SOX6: variants seen among roughly 807,000 people sequenced by gnomAD.
SOX6 encodes the protein transcription factor SOX-6.
A neutral mutation model predicts 97.8 loss-of-function variants in SOX6; 11 were observed. The observed-to-expected ratio is 0.11, with a 90% CI of 0.07 to 0.19. SOX6 has a LOEUF of 0.19. Ranked by LOEUF, SOX6 falls within the 10% of genes least tolerant of loss-of-function variation. The pLI is 1.00. For missense variants in SOX6, 810 were observed against 1,039.5 expected (o/e 0.78, Z 3.04); for synonymous variants, 360 against 371.4 (o/e 0.97, Z 0.35).
At chr11:16,320,050 T>C (rs1038505544) in intron 2 of SOX6, among the ~76,000 whole-genome samples, 9 of 152,152 alleles carry the variant, frequency 5.9e-5, no homozygotes, top group Admixed American at 1.3e-4. Flanking sequence ...TAAAAGTTCA[T>C]AGAAATAAAA....
intron 1 of SOX6, among the ~76,000 whole-genome samples, chr11:16,344,357 C>A (rs1350823333): frequency 6.6e-6 from 1 of 151,828 alleles, no homozygotes; most frequent in Non-Finnish European, 1.5e-5. Flanking sequence ...ATTATTAGAT[C>A]TGATTCACTG....
At chr11:16,326,934 T>C (rs2134316980) in intron 2 of SOX6, among the ~76,000 whole-genome samples, 1 of 152,336 alleles carries the variant, frequency 6.6e-6, no homozygotes, top group Admixed American at 6.5e-5. Flanking sequence ...CTAGGGTTTC[T>C]TGGACATCTT....
At chr11:16,245,177 T>A (rs1210188714) in intron 3 of SOX6, among the ~76,000 whole-genome samples, 5 of 151,790 alleles carry the variant, frequency 3.3e-5, no homozygotes, top group Admixed American at 3.3e-4. Flanking sequence ...TTTTCCTTGT[T>A]CTTTCTTCTT....
intron 4 of SOX6, among the ~76,000 whole-genome samples, chr11:16,227,527 G>A (rs749261729): frequency 3.3e-5 from 5 of 151,638 alleles, no homozygotes; most frequent in African/African-American, 9.7e-5. Flanking sequence ...GGGGTCAAGC[G>A]ATCTTCCTGC....
At chr11:16,405,780 A>C (rs999049243) in intron 1 of SOX6, among the ~76,000 whole-genome samples, 2 of 152,036 alleles carry the variant, frequency 1.3e-5, no homozygotes, top group Non-Finnish European at 2.9e-5. Context: ...AAATGGAGTT[A>C]AGGTTTGAAA....
chr11:16,079,533 A>C (rs1476807977), intron 9 of SOX6, among the ~76,000 whole-genome samples: 1 of 152,178 alleles, frequency 6.6e-6, no homozygotes, highest in Non-Finnish European at 1.5e-5. Flanking sequence ...AAAAATAATA[A>C]TACATAGATT....
At chr11:16,600,829 C>T (rs1848259869) in intron 4 of SOX6, among the ~76,000 whole-genome samples, 1 of 152,050 alleles carries the variant, frequency 6.6e-6, no homozygotes, top group South Asian at 2.1e-4. Context: ...CAACGCTCAC[C>T]AAAACAATGA....
chr11:16,070,111 C>T (rs1328910092), intron 9 of SOX6, among the ~76,000 whole-genome samples: 21 of 152,138 alleles, frequency 1.4e-4, no homozygotes, highest in Admixed American at 4.6e-4. Flanking sequence ...GCCGAGATTG[C>T]GCCACTGCAC....
chr11:16,055,827 T>C lies in SOX6; in HGVS notation c.1176A>G (p.Pro392=). Residue 392 remains proline (P), a synonymous_variant, in exon 10 of 16, where the codon CCA becomes CCG. Transcript: ENST00000683767. Reference sequence around the variant, plus strand: ...TAGGTGAGACCGTCCCTGCTGTGTTTGGTGGCTGTGGAGTTGATGGCATCT... The same window carrying C: ...TAGGTGAGACCGTCCCTGCTGTGTTCGGTGGCTGTGGAGTTGATGGCATCT... ...GAKMPSTPQP[P]NTAGTVSPTG... is the part of the protein sequence containing the mutation. The C allele has an allele frequency of 6.2e-7, 1 of 1,613,846 alleles. No homozygotes were observed. Among genetic ancestry groups the C allele is most frequent in the Non-Finnish European group, 8.5e-7 (1 of 1,179,852 alleles).
intron 7 of SOX6, 97 bp from the exon 8 acceptor site, chr11:16,097,785 CA>C: frequency 8.8e-7 from 1 of 1,138,066 alleles, no homozygotes. Flanking sequence ...AGCTTTACAA[CA>C]TTGCTCTAAG....
At chr11:16,239,886 C>A (rs1445686086) in intron 3 of SOX6, among the ~76,000 whole-genome samples, 2 of 151,988 alleles carry the variant, frequency 1.3e-5, no homozygotes, top group South Asian at 2.1e-4. Flanking sequence ...TCCCCCATTA[C>A]CAAAAAGATG....
At chr11:16,308,273 A>AT (rs2134285133) in intron 3 of SOX6, among the ~76,000 whole-genome samples, 1 of 152,348 alleles carries the variant, frequency 6.6e-6, no homozygotes, top group South Asian at 2.1e-4. Flanking sequence ...TGAACTGAAA[A>AT]TAGTTTAAAA....
intron 6 of SOX6, among the ~76,000 whole-genome samples, chr11:16,113,626 T>G (rs935368176): frequency 6.6e-6 from 1 of 152,124 alleles, no homozygotes; most frequent in Non-Finnish European, 1.5e-5. Context: ...AGTGCAAGAG[T>G]ACATCAAAGG....
rs748031725 is a variant in SOX6 at position 16,193,786 on chromosome 11, G to T, written c.536-6831C>A. Among the ~76,000 whole-genome samples, 15 of 152,092 alleles carry T rather than the reference G, an allele frequency of 9.9e-5. 1 individual carries two copies. The highest frequency in any genetic ancestry group is 2.1e-4 in the Non-Finnish European group (14 of 68,022). On this transcript the variant is annotated intron_variant, in intron 4 of 15. Transcript: ENST00000683767. ...AAAAGCTCTTAAGAATCAATTCCCT[G>T]GTCAGTTCTAATTTTTTTAATGGAT...
intron 13 of SOX6, among the ~76,000 whole-genome samples, chr11:16,003,323 C>G (rs1304099978): frequency 6.6e-6 from 1 of 151,936 alleles, no homozygotes; most frequent in Non-Finnish European, 1.5e-5. Flanking sequence ...AATTACCTGG[C>G]CATCTTGCAA....
chr11:16,059,926 G>T (rs569652367), intron 9 of SOX6, among the ~76,000 whole-genome samples: 1 of 151,894 alleles, frequency 6.6e-6, no homozygotes, highest in Non-Finnish European at 1.5e-5. Flanking sequence ...AGATGGTTAC[G>T]AGATGAAACA....
In SOX6 at chr11:16,141,545, G is replaced by A. The variant is rs573014434; in HGVS notation, c.778-29622C>T. Among the ~76,000 whole-genome samples, 206 of 152,228 alleles carry A rather than the reference G, an allele frequency of 1.4e-3. 5 individuals carry two copies. In the South Asian group the frequency reaches 0.029, roughly 21 times the overall value. ...GGACACTGGGTGCAGCTCACCGAGC[G>A]TGAGCCAAAGCATGGCAAGGCATCA... On this transcript the variant is annotated intron_variant, in intron 6 of 15. Coordinates refer to ENST00000683767, the MANE Select transcript of SOX6 (RefSeq NM_001367873.1).
At chr11:16,184,071 C>A in intron 5 of SOX6, 117 bp from the exon 6 acceptor site, 1 of 936,512 alleles carries the variant, frequency 1.1e-6, no homozygotes, top group South Asian at 1.4e-5. Flanking sequence ...TGAAAGAGTT[C>A]CTATAAAATG....
intron 4 of SOX6, among the ~76,000 whole-genome samples, chr11:16,571,856 T>A (rs532318185): frequency 2.6e-5 from 4 of 152,346 alleles, no homozygotes; most frequent in African/African-American, 7.2e-5. Context: ...TTTCGCCATG[T>A]TGGCCAGGCT....
Sources: gnomAD v4.1 joint callset for allele counts (sites outside exome capture counted in the v4.1 genomes callset) on GRCh38, gnomAD v4.1.1 for gene constraint, MANE v1.5 for transcripts, NCBI Gene and HGNC (gene_info 2026-07-23, HGNC 2026-07-21) for gene names.